CTNNA2: variants seen among roughly 807,000 people sequenced by gnomAD.
The protein encoded by CTNNA2 is catenin alpha-2.
Under a neutral mutation model 101.0 loss-of-function variants are expected in CTNNA2, and 42 were observed. The observed-to-expected ratio is 0.42, with a 90% CI of 0.32 to 0.54. The LOEUF (loss-of-function observed/expected upper bound fraction) is 0.54, where lower values mean the gene tolerates loss of function less well. Ranked by LOEUF, CTNNA2 falls within the 20% of genes least tolerant of loss-of-function variation. The pLI is 0.14. For missense variants in CTNNA2, 871 were observed against 1,223.1 expected (o/e 0.71, Z 4.29); for synonymous variants, 450 against 456.4 (o/e 0.99, Z 0.18).
chr2:79,216,319 C>A (rs901416370), intron 2 of CTNNA2, among the ~76,000 whole-genome samples: 2 of 88,434 alleles, frequency 2.3e-5, no homozygotes, highest in African/African-American at 7.9e-5. Context: ...ATGAAGGAGG[C>A]AAGCCTAGAG....
chr2:80,205,869 A>G (rs1264569512), intron 7 of CTNNA2, among the ~76,000 whole-genome samples: 2 of 152,222 alleles, frequency 1.3e-5, no homozygotes, highest in Non-Finnish European at 2.9e-5. Context: ...TAAAAATCCA[A>G]AGTTCTGACA....
intron 11 of CTNNA2, 149 bp downstream of exon 11, chr2:80,546,212 T>C: frequency 1.1e-6 from 1 of 941,470 alleles, no homozygotes; most frequent in Non-Finnish European, 1.5e-6. Context: ...AATGTGATTA[T>C]AACACCCTCT....
chr2:79,231,553 TTTGTTCCAAATGAATTTTAGAA>T (rs1199328041), intron 2 of CTNNA2, among the ~76,000 whole-genome samples: 1 of 152,222 alleles, frequency 6.6e-6, no homozygotes, highest in African/African-American at 2.4e-5. Flanking sequence ...TGTTTGTTTG[TTTGTTCCAAATGAATTTTAGAA>T]TAGATTTCTC....
intron 7 of CTNNA2, among the ~76,000 whole-genome samples, chr2:80,043,151 TTCCTTCCTTCCTTCCTTCCTTCCTTC>T: frequency 1.5e-5 from 1 of 67,272 alleles, no homozygotes; most frequent in African/African-American, 6.3e-5. Context: ...CCTTCCTTCC[TTCCTTCCTTCCTTCCTTCCTTCCTTC>T]CTTCCTTTCT....
chr2:79,643,810 A>G (rs1266758072), intron 1 of CTNNA2, among the ~76,000 whole-genome samples: 1 of 152,052 alleles, frequency 6.6e-6, no homozygotes, highest in Non-Finnish European at 1.5e-5. Flanking sequence ...TGTGGAACTG[A>G]GACCTCCATT....
intron 2 of CTNNA2, among the ~76,000 whole-genome samples, chr2:79,731,122 A>G (rs1346510056): frequency 6.6e-6 from 1 of 152,040 alleles, no homozygotes; most frequent in Admixed American, 6.6e-5. Flanking sequence ...TGTTTACATT[A>G]CTAGAAATTT....
At chr2:80,359,589 A>G (rs1674188916) in intron 7 of CTNNA2, among the ~76,000 whole-genome samples, 1 of 152,072 alleles carries the variant, frequency 6.6e-6, no homozygotes, top group Admixed American at 6.6e-5. Context: ...TGCTCTGGCC[A>G]TGTAAGATGT....
chr2:80,418,277 C>T (rs1411105210), intron 8 of CTNNA2, among the ~76,000 whole-genome samples: 1 of 152,132 alleles, frequency 6.6e-6, no homozygotes, highest in East Asian at 1.9e-4. Context: ...AAGAATCATT[C>T]CTATCTAATA....
At chr2:79,758,971 A>G (rs6751133) in intron 3 of CTNNA2, among the ~76,000 whole-genome samples, 63,178 of 151,972 alleles carry the variant, frequency 0.42, 14,219 homozygotes, top group East Asian at 0.79. Flanking sequence ...CAGCTCTTTG[A>G]AGTGATATAT....
intron 4 of CTNNA2, among the ~76,000 whole-genome samples, chr2:79,374,971 A>T (rs1434275832): frequency 6.6e-6 from 1 of 152,160 alleles, no homozygotes; most frequent in Non-Finnish European, 1.5e-5. Flanking sequence ...AGAGTGAGGG[A>T]TGGAGCTTAG....
At chr2:79,744,764 G>A (rs1209371824) in intron 3 of CTNNA2, among the ~76,000 whole-genome samples, 182 bp downstream of exon 3, 1 of 152,104 alleles carries the variant, frequency 6.6e-6, no homozygotes, top group African/African-American at 2.4e-5. Flanking sequence ...CATTGTTGCA[G>A]TATGGTACAG....
At chr2:80,448,538 A>G (rs553207804) in intron 9 of CTNNA2, among the ~76,000 whole-genome samples, 4 of 152,210 alleles carry the variant, frequency 2.6e-5, no homozygotes, top group East Asian at 1.9e-4. Flanking sequence ...TCTCACCCCT[A>G]GAGATGCTCA....
At chr2:79,532,892 G>T (rs1006641268) in intron 1 of CTNNA2, among the ~76,000 whole-genome samples, 1 of 151,954 alleles carries the variant, frequency 6.6e-6, no homozygotes, top group Non-Finnish European at 1.5e-5. Flanking sequence ...CGTAACTCAC[G>T]GGTCCTGTGT....
In CTNNA2 at chr2:79,982,205, TA is replaced by T. The variant is rs1403838705; in HGVS notation, c.1056+72409del. Among the ~76,000 whole-genome samples the T allele has an allele frequency of 8.0e-4, 20 of 24,976 alleles. 1 individual carries two copies. Among genetic ancestry groups the T allele is most frequent in the African/African-American group, 3.6e-3 (19 of 5,280 alleles). The allele number at this position is 24,976 out of a possible 152,430, so 16.4% of individuals were successfully genotyped here. ...AGGCATGTGCCACTATATATATATA[TA>T]TATATATATATATATATATATATAT... On this transcript the variant is annotated intron_variant, in intron 7 of 18. Transcript: ENST00000402739.
rs982724398 is a variant in CTNNA2, at chr2:79,873,983, T to C, written c.586-93T>C. ...CAGCACAAGGGTTTCTGAAGTTCAG[T>C]GTGTTACTAAGAGTCTGTGACTCCA... On this transcript the variant is annotated intron_variant, in intron 5 of 18. Coordinates refer to ENST00000402739, the MANE Select transcript of CTNNA2 (RefSeq NM_001282597.3). 5.7e-5 allele frequency: 86 copies of C among 1,519,150 alleles called. 1 individual carries two copies. Among genetic ancestry groups the C allele is most frequent in the Non-Finnish European group, 7.9e-6 (9 of 1,134,660 alleles). The allele number at this position is 1,519,150 out of a possible 1,614,324, so 94.1% of individuals were successfully genotyped here.
chr2:80,533,333 CA>C lies in CTNNA2; in HGVS notation c.1291-11641del, dbSNP rs1267093251. 5.3e-5 allele frequency among the ~76,000 whole-genome samples: 8 copies of C among 151,530 alleles called. No individual in the cohort carries two copies. The East Asian group carries it at 7.8e-4, about 15-fold the overall frequency. ...TTAATTGGCGGAGGCATCCCCTCCGCAAAAAAAAGAAGGCAATGTGGGACAT... is the reference window on the plus strand; with the variant it reads ...TTAATTGGCGGAGGCATCCCCTCCGCAAAAAAAGAAGGCAATGTGGGACAT... On this transcript the variant is annotated intron_variant, in intron 9 of 18. Coordinates refer to ENST00000402739, the MANE Select transcript of CTNNA2 (RefSeq NM_001282597.3).
chr2:80,177,126 A>G (rs548444043), intron 7 of CTNNA2, among the ~76,000 whole-genome samples: 68 of 152,270 alleles, frequency 4.5e-4, no homozygotes, highest in African/African-American at 1.6e-3. Flanking sequence ...CTTTAGGGTG[A>G]TGGGGAACAT....
chr2:80,294,439 C>A (rs1675548997), intron 7 of CTNNA2, among the ~76,000 whole-genome samples: 2 of 74,786 alleles, frequency 2.7e-5, no homozygotes, highest in African/African-American at 6.3e-5. Context: ...GCCCACGTAA[C>A]CTGACCCCAT....
intron 7 of CTNNA2, among the ~76,000 whole-genome samples, chr2:80,043,485 A>G (rs1034960563): frequency 6.6e-6 from 1 of 152,142 alleles, no homozygotes; most frequent in South Asian, 2.1e-4. Flanking sequence ...GGCGTGAGCC[A>G]CTGCGCCCTG....
Sources: allele counts gnomAD v4.1 joint callset (sites outside exome capture counted in the v4.1 genomes callset), GRCh38; gene constraint gnomAD v4.1.1; transcripts MANE v1.5; gene names NCBI Gene and HGNC (gene_info 2026-07-23, HGNC 2026-07-21).